The following TLN1 variants were observed in gnomAD, a reference collection of about 807,000 sequenced individuals.
The protein encoded by TLN1 is talin-1.
In TLN1, 56 loss-of-function variants were observed where a neutral mutation model predicts 292.3. The ratio of observed to expected loss-of-function variants is 0.19; its 90% CI spans 0.15 to 0.24. TLN1 has a LOEUF of 0.24. Among genes scored for constraint, TLN1 ranks in the 10% least tolerant of loss-of-function variants. The pLI, the probability that TLN1 is intolerant of heterozygous loss-of-function variation, is 1.00. For synonymous variants in TLN1, 1,119 were observed against 1,253.7 expected (o/e 0.89, Z 2.27); for missense variants, 2,433 against 3,248.2 (o/e 0.75, Z 6.10).
At chr9:35,728,114 T>C (rs1287510652) in intron 1 of TLN1, among the ~76,000 whole-genome samples, 2 of 152,136 alleles carry the variant, frequency 1.3e-5, no homozygotes, top group East Asian at 1.9e-4. Context: ...ATTCCTGCGA[T>C]GCATTCCAAA....
chr9:35,697,626 G>C lies in TLN1; in HGVS notation c.*165C>G. 9.8e-7 allele frequency: 1 copy of C among 1,018,414 alleles called. No homozygotes were observed. The highest frequency in any genetic ancestry group is 1.4e-6 in the Non-Finnish European group (1 of 704,112). The allele number at this position is 1,018,414 out of a possible 1,614,324, so 63.1% of individuals were successfully genotyped here. Reference sequence around the variant, plus strand: ...ATGAAGGCACTTGGGGTTGGGGAGGGGACAGGGGATGTACTGCGGGACTGG... The same window carrying C: ...ATGAAGGCACTTGGGGTTGGGGAGGCGACAGGGGATGTACTGCGGGACTGG... On this transcript the variant is annotated 3_prime_UTR_variant, in exon 57 of 57. Coordinates refer to ENST00000314888, the MANE Select transcript of TLN1 (RefSeq NM_006289.4).
At position 35,706,391 on chromosome 9, in the gene TLN1, G is replaced by T; in HGVS notation, c.5191-25C>A. 6.2e-7 allele frequency: 1 copy of T among 1,612,264 alleles called. No homozygotes were observed. The highest frequency in any genetic ancestry group is 2.2e-5 in the East Asian group (1 of 44,862). On this transcript the variant is annotated intron_variant, in intron 39 of 56. Transcript: ENST00000314888. This position sits in a 1 kb window ranked among gnomAD's most constrained non-coding sequence, Gnocchi z 4.2. ...CCTGAGGCAAGGGGTTGGACTAGGG[G>T]TCAGGTCCCCTCTCTCTCACCCTAC...
At chr9:35,710,742 T>A (rs747814753) in intron 32 of TLN1, 55 bp downstream of exon 32, 2 of 1,613,126 alleles carry the variant, frequency 1.2e-6, no homozygotes, top group Non-Finnish European at 1.7e-6. Context: ...CAGGGCAGCA[T>A]CTGGTTAGCT....
Position 35,699,528 on chromosome 9 carries a change from G to C in TLN1, c.6769-67C>G. 1 of 1,535,918 alleles carries C rather than the reference G, an allele frequency of 6.5e-7. No homozygotes were observed. ...AGGGTCTACCCTGATCTATGAAATA[G>C]GGCAGACCATGGCCCCCTCACCCCT... On this transcript the variant is annotated intron_variant, in intron 50 of 56. Coordinates refer to ENST00000314888, the MANE Select transcript of TLN1 (RefSeq NM_006289.4). This position sits in a 1 kb window ranked among gnomAD's most constrained non-coding sequence, Gnocchi z 4.0.
Position 35,711,701 on chromosome 9 carries a change from T to C in TLN1, c.3773A>G (p.Gln1258Arg), listed in dbSNP as rs760617650. The change falls in exon 29 of 57, where the codon CAG (glutamine) becomes CGG (arginine). Residue 1258 changes from glutamine to arginine, a missense_variant. Gln to Arg is a conservative substitution (Grantham distance 43). Around this residue, in one of 7 missense-constraint regions of TLN1, gnomAD observed 1,384 missense variants for 1,699.6 expected, o/e 0.81. Transcript: ENST00000314888. ...GTCCTGAGGGGTTCCCCGAGAGGCC[T>C]GCACCAGTTCTGTGGCTGCCTGATT... The part of the protein sequence containing the change: ...GLNQAATELV[Q>R]ASRGTPQDLA... The C allele has an allele frequency of 1.9e-6, 3 of 1,614,130 alleles. No homozygotes were observed. Among genetic ancestry groups the C allele is most frequent in the Non-Finnish European group, 2.5e-6 (3 of 1,180,028 alleles).
At chr9:35,731,348 T>C (rs1048267183) in intron 1 of TLN1, among the ~76,000 whole-genome samples, 1 of 152,184 alleles carries the variant, frequency 6.6e-6, no homozygotes, top group Non-Finnish European at 1.5e-5. Context: ...CATTCATCCC[T>C]TTCCTAGCAC....
chr9:35,710,914 C>T, intron 31 of TLN1, 28 bp from the exon 32 acceptor site: 1 of 1,613,950 alleles, frequency 6.2e-7, no homozygotes, highest in South Asian at 1.1e-5. Flanking sequence ...AAAGTGAGAT[C>T]CAAGACACCT....
Position 35,714,002 on chromosome 9 carries a change from A to G in TLN1, c.3200T>C (p.Val1067Ala). The change falls in exon 25 of 57, where the codon GTG becomes GCG. Residue 1067 changes from valine (V) to alanine (A), a missense_variant. By Grantham distance (64) the Val-to-Ala change is moderately conservative. Around this residue, in one of 7 missense-constraint regions of TLN1, gnomAD observed 1,384 missense variants for 1,699.6 expected, o/e 0.81. Coordinates refer to ENST00000314888, the MANE Select transcript of TLN1 (RefSeq NM_006289.4). This position sits in a 1 kb window ranked among gnomAD's most constrained non-coding sequence, Gnocchi z 4.6. ...VQNLEKDLQE[V>A]KAAARDGKLK... The stretch of plus-strand genomic sequence containing the variant: ...CTTGCCATCTCGAGCTGCTGCCTTC[A>G]CTTCCTGTAGATCTTTCTCTAGATT... 6.2e-7 allele frequency: 1 copy of G among 1,614,170 alleles called. No homozygotes were observed. The highest frequency in any genetic ancestry group is 2.2e-5 in the East Asian group (1 of 44,878).
At chr9:35,721,936 G>T in intron 9 of TLN1, 133 bp from the exon 10 acceptor site, 1 of 1,295,902 alleles carries the variant, frequency 7.7e-7, no homozygotes, top group Non-Finnish European at 1.1e-6. Flanking sequence ...ATGCAGGGTA[G>T]GGAGGGAAGT....
At chr9:35,700,533 T>G (rs887990644) in intron 48 of TLN1, among the ~76,000 whole-genome samples, 157 bp from the exon 49 acceptor site, 7 of 151,884 alleles carry the variant, frequency 4.6e-5, no homozygotes, top group Non-Finnish European at 1.0e-4. Context: ...ACTGGGGAGT[T>G]TGTTTGTTTG....
In TLN1 at chr9:35,710,599, A is replaced by T. The variant is rs1412969165; in HGVS notation, c.4288T>A (p.Ser1430Thr). 3.7e-6 allele frequency: 6 copies of T among 1,614,058 alleles called. 1 individual carries two copies. In the South Asian group the frequency reaches 6.6e-5, roughly 18 times the overall value. ...PEFGDAISTA[S>T]KALCGFTEAA... is the part of the protein sequence containing the mutation. ...TCGGTGAAGCCACAAAGTGCCTTTG[A>T]GGCTGTGGAAATGGCATCTCCAAAC... The change falls in exon 33 of 57, where the codon TCA becomes ACA. Residue 1430 changes from serine to threonine, a missense_variant. Around this residue, in one of 7 missense-constraint regions of TLN1, gnomAD observed 1,384 missense variants for 1,699.6 expected, o/e 0.81. Transcript: ENST00000314888.
Position 35,704,948 on chromosome 9 carries a change from C to G in TLN1, c.5734-133G>C. On this transcript the variant is annotated intron_variant, in intron 43 of 56. Coordinates refer to ENST00000314888, the MANE Select transcript of TLN1 (RefSeq NM_006289.4). This position sits in a 1 kb window ranked among gnomAD's most constrained non-coding sequence, Gnocchi z 6.9. Reference sequence around the variant, plus strand: ...TAAAGAAGCAGAGAGAGAAGGTTCCCAGCACAAGGACGTTTCCGGTTGCAT... The same window carrying G: ...TAAAGAAGCAGAGAGAGAAGGTTCCGAGCACAAGGACGTTTCCGGTTGCAT... 8.8e-7 allele frequency: 1 copy of G among 1,133,124 alleles called. No homozygotes were observed. The highest frequency in any genetic ancestry group is 1.6e-5 in the South Asian group (1 of 62,748). 70.2% of individuals were successfully genotyped at this position (1,133,124 alleles called of 1,614,324 possible). A position where few individuals can be genotyped will look rare whatever the true frequency, so the allele number is the denominator to read the frequency against.
In TLN1 at chr9:35,706,639, A is replaced by C. The variant is rs1587978989; in HGVS notation, c.5089-88T>G. The C allele has an allele frequency of 6.3e-7, 1 of 1,583,746 alleles. No homozygotes were observed. Among genetic ancestry groups the C allele is most frequent in the South Asian group, 1.1e-5 (1 of 88,992 alleles). ...AACTGCTCTTCTGTCCATACCAAAT[A>C]CCCTAACCCTCCTTCGCACATCCCA... On this transcript the variant is annotated intron_variant, in intron 38 of 56. Coordinates refer to ENST00000314888, the MANE Select transcript of TLN1 (RefSeq NM_006289.4). The surrounding 1 kb of genome is among the most constrained non-coding windows in gnomAD (Gnocchi z 4.2).
chr9:35,722,797 G>T, intron 8 of TLN1, 64 bp downstream of exon 8: 1 of 1,551,682 alleles, frequency 6.4e-7, no homozygotes, highest in Non-Finnish European at 8.9e-7. Flanking sequence ...GGGCCATTTA[G>T]TCAGTAAGAT....
intron 27 of TLN1, 146 bp from the exon 28 acceptor site, chr9:35,712,270 G>A: frequency 1.7e-6 from 2 of 1,192,892 alleles, no homozygotes; most frequent in Non-Finnish European, 1.1e-6. Context: ...GCTGAGGTTA[G>A]GGTTTCAAGT....
In TLN1 at chr9:35,724,769, T is replaced by A; in HGVS notation, c.359-45A>T. The A allele has an allele frequency of 6.2e-7, 1 of 1,613,818 alleles. No homozygotes were observed. Among genetic ancestry groups the A allele is most frequent in the Non-Finnish European group, 8.5e-7 (1 of 1,179,734 alleles). On this transcript the variant is annotated intron_variant, in intron 4 of 56. Transcript: ENST00000314888. This position sits in a 1 kb window ranked among gnomAD's most constrained non-coding sequence, Gnocchi z 4.7. The stretch of plus-strand genomic sequence containing the variant: ...GTTAGCTTCCCAGGTACTGCATCCA[T>A]GCCTTTTGAGAGAGTTGAGGCTTTC...
intron 8 of TLN1, 32 bp from the exon 9 acceptor site, chr9:35,722,255 G>A: frequency 6.3e-7 from 1 of 1,575,566 alleles, no homozygotes; most frequent in Non-Finnish European, 8.7e-7. Flanking sequence ...ATTTAGCAAA[G>A]AGTTTCATAT....
At chr9:35,728,206 A>G (rs1352660584) in intron 1 of TLN1, among the ~76,000 whole-genome samples, 1 of 152,228 alleles carries the variant, frequency 6.6e-6, no homozygotes, top group Non-Finnish European at 1.5e-5. Flanking sequence ...TATTGGAGCT[A>G]AGAAAGTTGG....
At chr9:35,720,667 C>T in intron 11 of TLN1, 145 bp downstream of exon 11, 1 of 1,015,108 alleles carries the variant, frequency 9.9e-7, no homozygotes, top group East Asian at 2.4e-5. Context: ...GCTCTGTCAC[C>T]CAGGCTGGAG....
Sources: allele counts gnomAD v4.1 joint callset (sites outside exome capture counted in the v4.1 genomes callset), GRCh38; gene constraint gnomAD v4.1.1; regional missense constraint gnomAD v4.1.1; non-coding constraint Gnocchi (gnomAD v3.1); transcripts MANE v1.5; gene names NCBI Gene and HGNC (gene_info 2026-07-23, HGNC 2026-07-21).